The following LTK variants were observed in gnomAD, a reference collection of about 807,000 sequenced individuals.
The protein encoded by LTK is leukocyte tyrosine kinase receptor.
A neutral mutation model predicts 101.5 loss-of-function variants in LTK; 117 were observed. The ratio of observed to expected loss-of-function variants is 1.15; its 90% CI spans 0.99 to 1.34. The LOEUF is 1.34. Among genes scored for constraint, LTK ranks in the 40% most tolerant of loss-of-function variants. The pLI, the probability that LTK is intolerant of heterozygous loss-of-function variation, is 0.00. For missense variants in LTK, 1,252 were observed against 1,164.7 expected (o/e 1.07, Z -1.09); for synonymous variants, 563 against 494.2 (o/e 1.14, Z -1.85).
rs201734476 is a variant in LTK, at chr15:41,512,870, C to T, written c.196G>A (p.Gly66Arg). The T allele has an allele frequency of 3.2e-4, 517 of 1,610,700 alleles. 4 individuals carry two copies. Among genetic ancestry groups the T allele is most frequent in the East Asian group, 1.1e-4 (5 of 44,806 alleles). ...CCGCAGGTAGAAAACAGCCAAGACC[C>T]CTCGGTGCCTGAGAGCAAGGAGCGA... ...ASPLNSPGTE[G>R]SWLFSTCGAS... The change falls in exon 3 of 20, where the codon GGG becomes AGG. Residue 66 changes from glycine (G) to arginine (R), a missense_variant. Physicochemically the swap from Gly to Arg is moderately radical, Grantham distance 125 (BLOSUM62 -2). Coordinates refer to ENST00000263800, the MANE Select transcript of LTK (RefSeq NM_002344.6).
rs1385491907 is a variant in LTK, at chr15:41,512,745, G to C, written c.321C>G (p.Gly107=). The C allele has an allele frequency of 6.2e-7, 1 of 1,607,466 alleles. No homozygotes were observed. The highest frequency in any genetic ancestry group is 8.5e-7 in the Non-Finnish European group (1 of 1,178,288). Residue 107 remains glycine (G), a synonymous_variant, in exon 3 of 20, where the codon GGC becomes GGG. Coordinates refer to ENST00000263800, the MANE Select transcript of LTK (RefSeq NM_002344.6). ...VTVGAAGQLR[G]VQLWRVPGPG... ...GGCCCGGCACGCGCCACAGCTGCAC[G>C]CCTCTCAGCTGCCCGGCGGCCCCCA...
chr15:41,506,311 T>C (rs915070578), intron 11 of LTK, among the ~76,000 whole-genome samples: 2 of 152,160 alleles, frequency 1.3e-5, no homozygotes, highest in African/African-American at 4.8e-5. Context: ...AGTCATGATT[T>C]TTTTTCTTTT....
rs1447930886 is a variant in LTK at position 41,511,817 on chromosome 15, C to G, written c.657G>C (p.Arg219=). ...GGGGGATYVF[R]VRAGELEPLL... Reference sequence around the variant, plus strand: ...GCTGAGCGCCGAAGGGAGCACGTACCCGGAAAACGTAGGTGGCGCCCCCGC... The same window carrying G: ...GCTGAGCGCCGAAGGGAGCACGTACGCGGAAAACGTAGGTGGCGCCCCCGC... The change falls in exon 5 of 20, where the codon CGG becomes CGC. Residue 219 remains arginine (R), a splice_region_variant and synonymous_variant. Transcript: ENST00000263800. The surrounding 1 kb of genome is among the most constrained non-coding windows in gnomAD (Gnocchi z 5.9). The G allele has an allele frequency of 6.7e-7, 1 of 1,491,998 alleles. No homozygotes were observed. The highest frequency in any genetic ancestry group is 1.5e-5 in the African/African-American group (1 of 67,486). The allele number at this position is 1,491,998 out of a possible 1,614,324, so 92.4% of individuals were successfully genotyped here.
At chr15:41,513,407 G>T (rs1277525317) in intron 1 of LTK, among the ~76,000 whole-genome samples, 3 of 152,228 alleles carry the variant, frequency 2.0e-5, no homozygotes, top group Non-Finnish European at 4.4e-5. Context: ...CCTCAACTTA[G>T]ATTGGTGGCC....
chr15:41,511,539 C>T lies in LTK; in HGVS notation c.697G>A (p.Gly233Arg). 2.1e-6 allele frequency: 3 copies of T among 1,456,382 alleles called. No individual in the cohort carries two copies. The highest frequency in any genetic ancestry group is 1.5e-5 in the African/African-American group (1 of 67,444). The allele number at this position is 1,456,382 out of a possible 1,614,324, so 90.2% of individuals were successfully genotyped here. A position where few individuals can be genotyped will look rare whatever the true frequency, so the allele number is the denominator to read the frequency against. ...CTCAGGTAGGCCCGACCGCCGCCTC[C>T]GGCCGCCACCAGCAACGGTTCCAGC... ...GELEPLLVAA[G>R]GGGRAYLRPR... Residue 233 changes from glycine to arginine, a missense_variant, in exon 6 of 20, where the codon GGA (glycine) becomes AGA (arginine). Physicochemically the swap from Gly to Arg is moderately radical, Grantham distance 125. Coordinates refer to ENST00000263800, the MANE Select transcript of LTK (RefSeq NM_002344.6). This position sits in a 1 kb window ranked among gnomAD's most constrained non-coding sequence, Gnocchi z 5.9.
chr15:41,504,658 G>A lies in LTK; in HGVS notation c.2121-18C>T, dbSNP rs756721393. ...CAAAAGACCTGCATCACAAGTGGGG[G>A]AACCAAGTGAGGCCCGTCAGGTGTA... On this transcript the variant is annotated intron_variant, in intron 17 of 19. Transcript: ENST00000263800. The A allele has an allele frequency of 6.2e-6, 10 of 1,610,860 alleles. No individual in the cohort carries two copies. In the South Asian group the frequency reaches 8.8e-5, roughly 14 times the overall value.
At chr15:41,512,343 G>A in intron 3 of LTK, 78 bp from the exon 4 acceptor site, 2 of 1,471,508 alleles carry the variant, frequency 1.4e-6, no homozygotes, top group Non-Finnish European at 1.8e-6. Context: ...CGACAGAGGA[G>A]GCTCCAGAAT....
intron 8 of LTK, 160 bp from the exon 9 acceptor site, chr15:41,508,381 C>T: frequency 2.0e-6 from 1 of 506,160 alleles, no homozygotes; most frequent in Non-Finnish European, 3.3e-6. Flanking sequence ...CCAGCCTGGC[C>T]AACCCCGCCT....
Position 41,511,300 on chromosome 15 carries a change from G to A in LTK, c.861C>T (p.Gly287=). The change falls in exon 7 of 20, where the codon GGC becomes GGT. Residue 287 remains glycine, a synonymous_variant. Transcript: ENST00000263800. This position sits in a 1 kb window ranked among gnomAD's most constrained non-coding sequence, Gnocchi z 5.9. ...WTSRAPSPQA[G]RSLQEGAEGG... Reference sequence around the variant, plus strand: ...CCTCCGCCCCCTCCTGCAGTGAGCGGCCGGCCTGCGGAGAGGGAGCCCGCG... The same window carrying A: ...CCTCCGCCCCCTCCTGCAGTGAGCGACCGGCCTGCGGAGAGGGAGCCCGCG... The A allele has an allele frequency of 5.1e-6, 7 of 1,379,872 alleles. No individual in the cohort carries two copies. The highest frequency in any genetic ancestry group is 6.5e-6 in the Non-Finnish European group (7 of 1,073,892). The allele number at this position is 1,379,872 out of a possible 1,614,324, so 85.5% of individuals were successfully genotyped here.
At chr15:41,506,074 C>T in intron 11 of LTK, 69 bp from the exon 12 acceptor site, 3 of 962,426 alleles carry the variant, frequency 3.1e-6, no homozygotes, top group African/African-American at 1.6e-5. Flanking sequence ...GTCTAGTACC[C>T]CCTTTACCTC....
intron 1 of LTK, 118 bp downstream of exon 1, chr15:41,513,549 C>A: frequency 1.1e-6 from 1 of 926,122 alleles, no homozygotes. Flanking sequence ...AGAAATTTGG[C>A]TGTGAGAGTT....
chr15:41,504,479 T>TCC (rs768222618), intron 18 of LTK, 27 bp downstream of exon 18: 6 of 1,613,670 alleles, frequency 3.7e-6, no homozygotes, highest in Non-Finnish European at 5.1e-6. Context: ...GTGAAGGACC[T>TCC]CCCTTCCCGG....
Position 41,504,180 on chromosome 15 carries a change from G to C in LTK, c.2411C>G (p.Thr804Ser), listed in dbSNP as rs1468491016. The C allele has an allele frequency of 6.2e-7, 1 of 1,613,738 alleles. No homozygotes were observed. The highest frequency in any genetic ancestry group is 1.7e-5 in the Admixed American group (1 of 60,014). Residue 804 changes from threonine to serine, a missense_variant, in exon 20 of 20, where the codon ACT becomes AGT. Physicochemically the swap from Thr to Ser is moderately conservative, Grantham distance 58. Coordinates refer to ENST00000263800, the MANE Select transcript of LTK (RefSeq NM_002344.6). ...ELGPTPEEEG[T>S]SGLGNRSLEC... ...CAAAGATCTGTTCCCCAGCCCAGAAGTCCCTTCCTCCTCTGGGGTGGGCCC... is the reference window on the plus strand; with the variant it reads ...CAAAGATCTGTTCCCCAGCCCAGAACTCCCTTCCTCCTCTGGGGTGGGCCC...
At chr15:41,505,556 G>A (rs372500879) in intron 13 of LTK, 26 bp from the exon 14 acceptor site, 124 of 1,613,032 alleles carry the variant, frequency 7.7e-5, no homozygotes, top group East Asian at 1.3e-4. Flanking sequence ...GACATATCCC[G>A]TTACCAGGAG....
rs1196428552 is a variant in LTK at position 41,512,880 on chromosome 15, T to C, written c.188-2A>G. 1.4e-5 allele frequency: 22 copies of C among 1,609,404 alleles called. No individual in the cohort carries two copies. Among genetic ancestry groups the C allele is most frequent in the Non-Finnish European group, 1.8e-5 (21 of 1,177,436 alleles). On this transcript the variant is annotated splice_acceptor_variant, in intron 2 of 19. Coordinates refer to ENST00000263800, the MANE Select transcript of LTK (RefSeq NM_002344.6). LOFTEE classifies it high-confidence loss of function. The stretch of plus-strand genomic sequence containing the variant: ...AAAACAGCCAAGACCCCTCGGTGCC[T>C]GAGAGCAAGGAGCGAGGCAAGGGTC...
intron 11 of LTK, among the ~76,000 whole-genome samples, chr15:41,506,630 G>A (rs564943473): frequency 6.2e-5 from 9 of 145,886 alleles, no homozygotes; most frequent in South Asian, 2.2e-4. Context: ...TCACTCTGTC[G>A]CCCTGGCTGG....
At position 41,504,204 on chromosome 15, in the gene LTK, C is replaced by G; in HGVS notation, c.2387G>C (p.Gly796Ala). The G allele has an allele frequency of 4.3e-6, 7 of 1,611,696 alleles. No homozygotes were observed. The highest frequency in any genetic ancestry group is 5.9e-6 in the Non-Finnish European group (7 of 1,178,362). Residue 796 changes from glycine to alanine, a missense_variant, in exon 20 of 20, where the codon GGG becomes GCG. Physicochemically the swap from Gly to Ala is moderately conservative, Grantham distance 60. Coordinates refer to ENST00000263800, the MANE Select transcript of LTK (RefSeq NM_002344.6). ...AGTCCCTTCCTCCTCTGGGGTGGGC[C>G]CCAGCTCCATTGGCAGGAGTGAATT... ...VLNSLLPMELGPTPEEEGTSG... is the reference protein window; with the variant it reads ...VLNSLLPMELAPTPEEEGTSG...
At position 41,504,552 on chromosome 15, in the gene LTK, C is replaced by A. The variant is rs140077464; in HGVS notation, c.2209G>T (p.Val737Phe). 8.1e-6 allele frequency: 13 copies of A among 1,613,876 alleles called. No homozygotes were observed. The highest frequency in any genetic ancestry group is 1.1e-5 in the Non-Finnish European group (13 of 1,179,982). Residue 737 changes from valine (V) to phenylalanine (F), a missense_variant, in exon 18 of 20, where the codon GTT (valine) becomes TTT (phenylalanine). By Grantham distance (50) the Val-to-Phe change is conservative. Transcript: ENST00000263800. ...RTNQEVLDFVVGGGRMDPPRG... is the reference protein window; with the variant it reads ...RTNQEVLDFVFGGGRMDPPRG... ...GGAGGGTCCATCCGGCCTCCTCCAACGACGAAGTCCAGCACCTCCTGGTTG... is the reference window on the plus strand; with the variant it reads ...GGAGGGTCCATCCGGCCTCCTCCAAAGACGAAGTCCAGCACCTCCTGGTTG...
At chr15:41,512,346 T>G in intron 3 of LTK, 81 bp from the exon 4 acceptor site, 1 of 1,325,664 alleles carries the variant, frequency 7.5e-7, no homozygotes, top group South Asian at 1.3e-5. Flanking sequence ...CAGAGGAGGC[T>G]CCAGAATTAT....
Sources: gnomAD v4.1 joint callset for allele counts (sites outside exome capture counted in the v4.1 genomes callset) on GRCh38, gnomAD v4.1.1 for gene constraint, Gnocchi (gnomAD v3.1) non-coding constraint, MANE v1.5 for transcripts, NCBI Gene and HGNC (gene_info 2026-07-23, HGNC 2026-07-21) for gene names.